The following SEPTIN5 variants were observed in gnomAD, a reference collection of about 807,000 sequenced individuals.
The protein encoded by SEPTIN5 is septin 5.
A neutral mutation model predicts 51.2 loss-of-function variants in SEPTIN5; 16 were observed. The observed-to-expected ratio is 0.31, with a 90% CI of 0.21 to 0.47. The LOEUF (loss-of-function observed/expected upper bound fraction) is 0.47. SEPTIN5 is among the 20% of genes least tolerant of loss of function. The pLI, the probability that SEPTIN5 is intolerant of heterozygous loss-of-function variation, is 0.99. For missense variants in SEPTIN5, 376 were observed against 500.3 expected (o/e 0.75, Z 2.37); for synonymous variants, 208 against 191.2 (o/e 1.09, Z -0.72).
rs753086860 is a variant in SEPTIN5 at position 19,721,967 on chromosome 22, C to A, written c.950+10C>A. On this transcript the variant is annotated intron_variant, in intron 10 of 11. Coordinates refer to ENST00000455784, the MANE Select transcript of SEPTIN5 (RefSeq NM_002688.6). The stretch of plus-strand genomic sequence containing the variant: ...TCCAGCAGATGACCAGGTGCGCGCC[C>A]CAGCCGCGAGCCAGACCTCGCCCCT... 4 of 1,600,510 alleles carry A rather than the reference C, an allele frequency of 2.5e-6. No homozygotes were observed. Among genetic ancestry groups the A allele is most frequent in the Non-Finnish European group, 3.4e-6 (4 of 1,174,064 alleles).
chr22:19,720,703 C>T (rs1936012489), intron 7 of SEPTIN5, 37 bp downstream of exon 7: 2 of 1,612,388 alleles, frequency 1.2e-6, no homozygotes. Context: ...GGCCAGGGCC[C>T]TGGGGCTGAG....
In SEPTIN5 at chr22:19,720,882, A is replaced by G; in HGVS notation, c.717+13A>G. 6.2e-7 allele frequency: 1 copy of G among 1,608,726 alleles called. No homozygotes were observed. Among genetic ancestry groups the G allele is most frequent in the Non-Finnish European group, 8.5e-7 (1 of 1,175,562 alleles). ...CCGGGAACTGAAGGTGAACATGCAG[A>G]CTGGTGGGGCAGGGGGGATGGAGCT... On this transcript the variant is annotated intron_variant, in intron 8 of 11. Transcript: ENST00000455784.
intron 2 of SEPTIN5, chr22:19,717,474 T>G (rs1283510796): frequency 2.5e-6 from 1 of 392,792 alleles, no homozygotes; most frequent in Non-Finnish European, 5.2e-6. Context: ...CAAGGGAATG[T>G]CCACAGAAGC....
chr22:19,722,454 G>T lies in SEPTIN5; in HGVS notation c.1080G>T (p.Gln360His). The T allele has an allele frequency of 6.2e-7, 1 of 1,602,368 alleles. No individual in the cohort carries two copies. The highest frequency in any genetic ancestry group is 2.3e-5 in the East Asian group (1 of 44,150). The stretch of plus-strand genomic sequence containing the variant: ...TGAGGCGCATGCAGGAGATGCTGCA[G>T]AGGATGAAGCAGCAGATGCAGGACC... ...EELRRMQEML[Q>H]RMKQQMQDQ Residue 360 changes from glutamine to histidine, a missense_variant, in exon 12 of 12, where the codon CAG (glutamine) becomes CAT (histidine). Gln to His is a conservative substitution (Grantham distance 24). Transcript: ENST00000455784.
In SEPTIN5 at chr22:19,722,925, T is replaced by C; in HGVS notation, c.*441T>C. On this transcript the variant is annotated 3_prime_UTR_variant, in exon 12 of 12. Transcript: ENST00000455784. ...CACCCAGCGAGTGCTGAGACCCCAT[T>C]TTCTGTCGAGGCGGGCCGAGTCTTC... 1 of 442,970 alleles carries C rather than the reference T, an allele frequency of 2.3e-6. No homozygotes were observed. Among genetic ancestry groups the C allele is most frequent in the Middle Eastern group, 6.7e-4 (1 of 1,496 alleles). 27.4% of individuals were successfully genotyped at this position (442,970 alleles called of 1,614,324 possible).
rs1936066269 is a variant in SEPTIN5, at chr22:19,722,461, A to G, written c.1087A>G (p.Lys363Glu). 1 of 1,601,262 alleles carries G rather than the reference A, an allele frequency of 6.2e-7. No homozygotes were observed. Among genetic ancestry groups the G allele is most frequent in the Admixed American group, 1.7e-5 (1 of 58,988 alleles). The change falls in exon 12 of 12, where the codon AAG (lysine) becomes GAG (glutamate). Residue 363 changes from lysine (K) to glutamate (E), a missense_variant. Physicochemically the swap from Lys to Glu is moderately conservative, Grantham distance 56. Around this residue, in one of 2 missense-constraint regions of SEPTIN5, gnomAD observed 89 missense variants for 83.3 expected, o/e 1.07. Transcript: ENST00000455784. ...RRMQEMLQRM[K>E]QQMQDQ ...CATGCAGGAGATGCTGCAGAGGATG[A>G]AGCAGCAGATGCAGGACCAGTGACG... is the stretch of plus-strand genomic sequence containing the variant.
intron 2 of SEPTIN5, chr22:19,718,400 G>A (rs1935949786): frequency 4.4e-5 from 46 of 1,038,918 alleles, no homozygotes; most frequent in Non-Finnish European, 5.1e-5. Context: ...ACGGCGGGCG[G>A]GGCCGTCTCT....
chr22:19,720,275 G>A (rs760556947), intron 5 of SEPTIN5, 37 bp downstream of exon 5: 37 of 1,613,310 alleles, frequency 2.3e-5, no homozygotes, highest in African/African-American at 5.3e-5. Flanking sequence ...TTGCCTAGGC[G>A]GCCACAGCAC....
At position 19,722,451 on chromosome 22, in the gene SEPTIN5, G is replaced by A. The variant is rs1218055348; in HGVS notation, c.1077G>A (p.Leu359=). 2 of 1,602,332 alleles carry A rather than the reference G, an allele frequency of 1.2e-6. No individual in the cohort carries two copies. The highest frequency in any genetic ancestry group is 2.7e-5 in the African/African-American group (2 of 74,648). Residue 359 remains leucine, a synonymous_variant, in exon 12 of 12, where the codon CTG becomes CTA. Transcript: ENST00000455784. The part of the protein sequence containing the change: ...DEELRRMQEM[L]QRMKQQMQDQ ...AGCTGAGGCGCATGCAGGAGATGCTGCAGAGGATGAAGCAGCAGATGCAGG... is the reference window on the plus strand; with the variant it reads ...AGCTGAGGCGCATGCAGGAGATGCTACAGAGGATGAAGCAGCAGATGCAGG...
At position 19,721,919 on chromosome 22, in the gene SEPTIN5, C is replaced by G; in HGVS notation, c.912C>G (p.Tyr304Ter). The G allele has an allele frequency of 1.9e-6, 3 of 1,611,934 alleles. No homozygotes were observed. The stretch of plus-strand genomic sequence containing the variant: ...AGGACGTGACGTGCGACGTGCACTA[C>G]GAGAACTACCGCGCGCACTGCATCC... ...DLKDVTCDVH[Y>*]ENYRAHCIQQ... Residue 304 changes from tyrosine to a stop codon, truncating the protein, a stop_gained, in exon 10 of 12, where the codon TAC (tyrosine) becomes TAG (stop). Transcript: ENST00000455784. LOFTEE classifies it high-confidence loss of function.
At position 19,721,953 on chromosome 22, in the gene SEPTIN5, A is replaced by C. The variant is rs1936045775; in HGVS notation, c.946A>C (p.Thr316Pro). The C allele has an allele frequency of 6.2e-7, 1 of 1,606,362 alleles. No individual in the cohort carries two copies. The highest frequency in any genetic ancestry group is 8.5e-7 in the Non-Finnish European group (1 of 1,176,804). ...NYRAHCIQQM[T>P]SKLTQDSRME... ...CCGCGCGCACTGCATCCAGCAGATG[A>C]CCAGGTGCGCGCCCCAGCCGCGAGC... Residue 316 changes from threonine (T) to proline (P), a missense_variant, in exon 10 of 12, where the codon ACC (threonine) becomes CCC (proline). By Grantham distance (38) the Thr-to-Pro change is conservative (BLOSUM62 -1). Transcript: ENST00000455784.
At position 19,722,940 on chromosome 22, in the gene SEPTIN5, G is replaced by T; in HGVS notation, c.*456G>T. ...GAGACCCCATTTTCTGTCGAGGCGGGCCGAGTCTTCCCTTATCCCCAGACG... is the reference window on the plus strand; with the variant it reads ...GAGACCCCATTTTCTGTCGAGGCGGTCCGAGTCTTCCCTTATCCCCAGACG... On this transcript the variant is annotated 3_prime_UTR_variant, in exon 12 of 12. Transcript: ENST00000455784. 2.3e-6 allele frequency: 1 copy of T among 441,892 alleles called. No individual in the cohort carries two copies. Among genetic ancestry groups the T allele is most frequent in the African/African-American group, 2.0e-5 (1 of 50,998 alleles). The allele number at this position is 441,892 out of a possible 1,614,324, so 27.4% of individuals were successfully genotyped here.
chr22:19,715,025 TG>T (rs1186241094), intron 2 of SEPTIN5, among the ~76,000 whole-genome samples: 2 of 152,160 alleles, frequency 1.3e-5, no homozygotes, highest in East Asian at 1.9e-4. Context: ...CTCCCCAGGA[TG>T]GGGGGATGGG....
Position 19,721,675 on chromosome 22 carries a change from G to C in SEPTIN5, c.753G>C (p.Thr251=), listed in dbSNP as rs760607911. 11 of 1,612,644 alleles carry C rather than the reference G, an allele frequency of 6.8e-6. No homozygotes were observed. Among genetic ancestry groups the C allele is most frequent in the South Asian group, 2.2e-5 (2 of 91,086 alleles). ...SAPFAVIGSN[T]VVEAKGQRVR... The stretch of plus-strand genomic sequence containing the variant: ...CCTTCGCCGTTATAGGCAGCAACAC[G>C]GTGGTGGAGGCCAAGGGGCAGCGGG... The change falls in exon 9 of 12, where the codon ACG becomes ACC. Residue 251 remains threonine (T), a synonymous_variant. Transcript: ENST00000455784.
chr22:19,721,990 C>G, intron 10 of SEPTIN5, 33 bp downstream of exon 10: 1 of 1,584,594 alleles, frequency 6.3e-7, no homozygotes. Flanking sequence ...AGACCTCGCC[C>G]CTCTGGCCCC....
chr22:19,715,995 C>A (rs1935906382), intron 2 of SEPTIN5, among the ~76,000 whole-genome samples: 1 of 152,356 alleles, frequency 6.6e-6, no homozygotes, highest in East Asian at 1.9e-4. Context: ...CCTGTGCCTG[C>A]AGGTGTCCCC....
At chr22:19,719,574 T>G (rs754199398) in intron 2 of SEPTIN5, 28 bp from the exon 3 acceptor site, 7 of 1,586,872 alleles carry the variant, frequency 4.4e-6, no homozygotes, top group Non-Finnish European at 5.2e-6. Context: ...AACCTTTGTG[T>G]CCCTACCCTG....
At chr22:19,718,505 A>T in intron 2 of SEPTIN5, 4 of 1,251,680 alleles carry the variant, frequency 3.2e-6, no homozygotes, top group Non-Finnish European at 3.0e-6. Flanking sequence ...ACGCCGCCAC[A>T]GCTTGGGGCC....
chr22:19,719,803 C>G lies in SEPTIN5; in HGVS notation c.152-3C>G, dbSNP rs1935989506. On this transcript the variant is annotated splice_region_variant and splice_polypyrimidine_tract_variant and intron_variant, in intron 3 of 11. Coordinates refer to ENST00000455784, the MANE Select transcript of SEPTIN5 (RefSeq NM_002688.6). ...GCAGCTCCTTCTCTGTACCTGTGTGCAGGTGAGTCAGGCCTGGGGAAGTCC... is the reference window on the plus strand; with the variant it reads ...GCAGCTCCTTCTCTGTACCTGTGTGGAGGTGAGTCAGGCCTGGGGAAGTCC... The G allele has an allele frequency of 6.2e-7, 1 of 1,612,866 alleles. No homozygotes were observed. Among genetic ancestry groups the G allele is most frequent in the African/African-American group, 1.3e-5 (1 of 74,946 alleles).
Sources: allele counts gnomAD v4.1 joint callset (sites outside exome capture counted in the v4.1 genomes callset), GRCh38; gene constraint gnomAD v4.1.1; regional missense constraint gnomAD v4.1.1; transcripts MANE v1.5; gene names NCBI Gene and HGNC (gene_info 2026-07-23, HGNC 2026-07-21).